The following MFN2 variants were observed in gnomAD, a reference collection of about 807,000 sequenced individuals.
The protein encoded by MFN2 is mitofusin 2.
MFN2 carries 43 observed loss-of-function variants against 87.5 expected under a neutral mutation model. The ratio of observed to expected loss-of-function variants is 0.49; its 90% CI spans 0.38 to 0.63. MFN2 has a LOEUF of 0.63. Ranked by LOEUF, MFN2 falls within the 30% of genes least tolerant of loss-of-function variation. MFN2 has a pLI of 0.00. For missense variants in MFN2, 743 were observed against 972.8 expected (o/e 0.76, Z 3.14); for synonymous variants, 337 against 359.9 (o/e 0.94, Z 0.72).
chr1:11,995,674 C>T (rs1324099710), intron 4 of MFN2, among the ~76,000 whole-genome samples: 1 of 152,036 alleles, frequency 6.6e-6, no homozygotes, highest in Admixed American at 6.6e-5. Flanking sequence ...GTAACCTTCC[C>T]TTTAGCCTGG....
At chr1:12,006,253 C>T (rs1569867267) in intron 15 of MFN2, among the ~76,000 whole-genome samples, 1 of 152,044 alleles carries the variant, frequency 6.6e-6, no homozygotes, top group Non-Finnish European at 1.5e-5. Flanking sequence ...AAACATTCAT[C>T]TCTAAACCAC....
At position 12,009,587 on chromosome 1, in the gene MFN2, C is replaced by G. The variant is rs1639598096; in HGVS notation, c.2070-5C>G. ...CCAACTGGGTCCCTTCTCTCTCCTC[C>G]CCAGGGAACTGTCTGGGACCTTTGC... On this transcript the variant is annotated splice_region_variant and splice_polypyrimidine_tract_variant and intron_variant, in intron 17 of 18. Transcript: ENST00000235329. 6.2e-7 allele frequency: 1 copy of G among 1,614,080 alleles called. No individual in the cohort carries two copies. Among genetic ancestry groups the G allele is most frequent in the African/African-American group, 1.3e-5 (1 of 74,922 alleles).
chr1:11,987,794 T>A (rs1413102638), intron 2 of MFN2, among the ~76,000 whole-genome samples: 4 of 151,356 alleles, frequency 2.6e-5, no homozygotes, highest in East Asian at 3.9e-4. Flanking sequence ...CAAAAAATTT[T>A]AAAAAAATTA....
At chr1:11,992,343 C>A (rs1487583993) in intron 3 of MFN2, 3 of 622,868 alleles carry the variant, frequency 4.8e-6, no homozygotes. Flanking sequence ...TAAGAACCAG[C>A]TTCAGAACCA....
At position 11,997,284 on chromosome 1, in the gene MFN2, C is replaced by T; in HGVS notation, c.475-13C>T. ...TCCTCCTCAGCCTCTTTCTTTCCTT[C>T]CTCTGCCATCAGACTGTGAACCAGC... On this transcript the variant is annotated splice_polypyrimidine_tract_variant and intron_variant, in intron 5 of 18. Transcript: ENST00000235329. The T allele has an allele frequency of 6.2e-7, 1 of 1,614,030 alleles. No homozygotes were observed. The highest frequency in any genetic ancestry group is 8.5e-7 in the Non-Finnish European group (1 of 1,179,994).
At position 12,001,444 on chromosome 1, in the gene MFN2, A is replaced by G; in HGVS notation, c.860A>G (p.Asp287Gly). The change falls in exon 9 of 19, where the codon GAT (aspartate) becomes GGT (glycine). Residue 287 changes from aspartate (D) to glycine (G), a missense_variant. Around this residue, in one of 3 missense-constraint regions of MFN2, gnomAD observed 571 missense variants for 670.7 expected, o/e 0.85. Coordinates refer to ENST00000235329, the MANE Select transcript of MFN2 (RefSeq NM_014874.4). ...HMERCTSFLV[D>G]ELGVVDRSQA... ...GAGCGTTGTACCAGCTTCCTGGTGGATGAGCTGGGCGTGGTGGATCGATCC... is the reference window on the plus strand; with the variant it reads ...GAGCGTTGTACCAGCTTCCTGGTGGGTGAGCTGGGCGTGGTGGATCGATCC... The G allele has an allele frequency of 6.2e-7, 1 of 1,613,962 alleles. No homozygotes were observed. The highest frequency in any genetic ancestry group is 8.5e-7 in the Non-Finnish European group (1 of 1,179,952).
Position 12,005,725 on chromosome 1 carries a change from C to T in MFN2, c.1510C>T (p.Leu504Phe). ...QQDMIDGLKP[L>F]LPVSVRSQID... is the part of the protein sequence containing the mutation. ...CTTCCTGACAGATGGCTTGAAACCC[C>T]TCCTTCCTGTGTCTGTGCGGAGTCA... is the stretch of plus-strand genomic sequence containing the variant. The change falls in exon 15 of 19, where the codon CTC becomes TTC. Residue 504 changes from leucine (L) to phenylalanine (F), a missense_variant. By Grantham distance (22) the Leu-to-Phe change is conservative (BLOSUM62 0). Coordinates refer to ENST00000235329, the MANE Select transcript of MFN2 (RefSeq NM_014874.4). The T allele has an allele frequency of 6.2e-7, 1 of 1,614,218 alleles. No individual in the cohort carries two copies. The highest frequency in any genetic ancestry group is 8.5e-7 in the Non-Finnish European group (1 of 1,180,034).
intron 1 of MFN2, among the ~76,000 whole-genome samples, chr1:11,981,398 G>A (rs1054661936): frequency 2.0e-5 from 3 of 152,218 alleles, no homozygotes; most frequent in Non-Finnish European, 4.4e-5. Context: ...ATCTACTCAG[G>A]AGGCTGAGGC....
In MFN2 at chr1:12,012,823, G is replaced by C. The variant is rs116156978; in HGVS notation, c.*1258G>C. ...AGGTGTTGACTGTGTGAGAAAAGCA[G>C]TTTGGGTGACAAATCCTGTGTGGCA... is the stretch of plus-strand genomic sequence containing the variant. On this transcript the variant is annotated 3_prime_UTR_variant, in exon 19 of 19. Coordinates refer to ENST00000235329, the MANE Select transcript of MFN2 (RefSeq NM_014874.4). 40 of 153,110 alleles carry C rather than the reference G, an allele frequency of 2.6e-4. No homozygotes were observed. Among genetic ancestry groups the C allele is most frequent in the African/African-American group, 9.4e-4 (39 of 41,590 alleles). The allele number at this position is 153,110 out of a possible 1,614,324, so 9.5% of individuals were successfully genotyped here. A position where few individuals can be genotyped will look rare whatever the true frequency, so the allele number is the denominator to read the frequency against.
chr1:11,988,165 C>T (rs1372903891), intron 2 of MFN2, among the ~76,000 whole-genome samples: 1 of 150,512 alleles, frequency 6.6e-6, no homozygotes, highest in Non-Finnish European at 1.5e-5. Context: ...TACAGTGGTG[C>T]GATCTCGGCT....
chr1:11,994,955 C>T (rs1220557056), intron 4 of MFN2, among the ~76,000 whole-genome samples: 3 of 152,066 alleles, frequency 2.0e-5, no homozygotes, highest in African/African-American at 7.2e-5. Context: ...TCTCAAGAAG[C>T]AGAAATGGTG....
At chr1:12,006,030 AG>A in intron 15 of MFN2, 99 bp downstream of exon 15, 1 of 1,165,758 alleles carries the variant, frequency 8.6e-7, no homozygotes, top group Non-Finnish European at 1.3e-6. Context: ...CCCTAAGGTC[AG>A]CAGCTGTGGT....
chr1:12,007,769 T>C (rs1017520772), intron 17 of MFN2, among the ~76,000 whole-genome samples: 1 of 152,100 alleles, frequency 6.6e-6, no homozygotes, highest in Non-Finnish European at 1.5e-5. Context: ...CCTTTTTCTT[T>C]CTTTCTTTTT....
chr1:12,003,963 T>C lies in MFN2; in HGVS notation c.1161-29T>C. 6.2e-7 allele frequency: 1 copy of C among 1,614,042 alleles called. No individual in the cohort carries two copies. The highest frequency in any genetic ancestry group is 8.5e-7 in the Non-Finnish European group (1 of 1,179,954). ...TCCTCTGCTTAGTCAGACAGGAACATGGATTTCTCACCAGTACTCTGCTTT... is the reference window on the plus strand; with the variant it reads ...TCCTCTGCTTAGTCAGACAGGAACACGGATTTCTCACCAGTACTCTGCTTT... On this transcript the variant is annotated intron_variant, in intron 11 of 18. Transcript: ENST00000235329. The surrounding 1 kb of genome is among the most constrained non-coding windows in gnomAD (Gnocchi z 4.1).
At position 12,003,021 on chromosome 1, in the gene MFN2, C is replaced by T. The variant is rs1271253593; in HGVS notation, c.1160+918C>T. Among the ~76,000 whole-genome samples the T allele has an allele frequency of 1.3e-5, 2 of 152,064 alleles. No individual in the cohort carries two copies. Among genetic ancestry groups the T allele is most frequent in the African/African-American group, 2.4e-5 (1 of 41,376 alleles). On this transcript the variant is annotated intron_variant, in intron 11 of 18. Coordinates refer to ENST00000235329, the MANE Select transcript of MFN2 (RefSeq NM_014874.4). This position sits in a 1 kb window ranked among gnomAD's most constrained non-coding sequence, Gnocchi z 4.1. The stretch of plus-strand genomic sequence containing the variant: ...TAGTATGTGTAGTTTGTTTATGAAT[C>T]GGAACTGCTGTAGTATATTCCATTG...
At position 12,005,838 on chromosome 1, in the gene MFN2, T is replaced by G. The variant is rs1639383718; in HGVS notation, c.1623T>G (p.Ile541Met). The change falls in exon 15 of 19, where the codon ATT becomes ATG. Residue 541 changes from isoleucine to methionine, a missense_variant. Ile to Met is a conservative substitution (Grantham distance 10). Transcript: ENST00000235329. ...DKLCADFQEDIEFHFSLGWTM... is the reference protein window; with the variant it reads ...DKLCADFQEDMEFHFSLGWTM... ...TGTGTGCTGACTTCCAGGAAGACATTGAGTTCCATTTCTCTCTCGGATGGA... is the reference window on the plus strand; with the variant it reads ...TGTGTGCTGACTTCCAGGAAGACATGGAGTTCCATTTCTCTCTCGGATGGA... 1.2e-6 allele frequency: 2 copies of G among 1,614,064 alleles called. No individual in the cohort carries two copies. Among genetic ancestry groups the G allele is most frequent in the East Asian group, 2.2e-5 (1 of 44,896 alleles).
chr1:12,005,291 C>A (rs935547440), intron 14 of MFN2, among the ~76,000 whole-genome samples: 1 of 152,194 alleles, frequency 6.6e-6, no homozygotes, highest in African/African-American at 2.4e-5. Context: ...CCACGTTGGC[C>A]AGGCTGGTCT....
intron 18 of MFN2, among the ~76,000 whole-genome samples, chr1:12,011,012 C>T (rs991566816): frequency 4.6e-5 from 7 of 151,450 alleles, no homozygotes; most frequent in African/African-American, 1.5e-4. Flanking sequence ...TCCCTGCCCT[C>T]GACTGCGGAT....
intron 2 of MFN2, among the ~76,000 whole-genome samples, chr1:11,988,606 A>G (rs578108856): frequency 3.3e-5 from 5 of 152,168 alleles, no homozygotes; most frequent in South Asian, 2.1e-4. Context: ...GACTGATCAT[A>G]GGTCACTGCA....
Sources: gnomAD v4.1 joint callset for allele counts (sites outside exome capture counted in the v4.1 genomes callset) on GRCh38, gnomAD v4.1.1 for gene constraint, gnomAD v4.1.1 regional missense constraint, Gnocchi (gnomAD v3.1) non-coding constraint, MANE v1.5 for transcripts, NCBI Gene and HGNC (gene_info 2026-07-23, HGNC 2026-07-21) for gene names.